UPRT: variants seen among roughly 807,000 people sequenced by gnomAD.
The protein encoded by UPRT is RP11-311P8.3.
A neutral mutation model predicts 22.6 loss-of-function variants in UPRT; 5 were observed. The observed-to-expected ratio is 0.22, with a 90% CI of 0.12 to 0.47. The LOEUF (loss-of-function observed/expected upper bound fraction) is 0.47, where lower values mean the gene tolerates loss of function less well. UPRT is among the 20% of genes least tolerant of loss of function. The pLI is 0.99. For missense variants in UPRT, 181 were observed against 239.9 expected (o/e 0.75, Z 1.62); for synonymous variants, 77 against 87.7 (o/e 0.88, Z 0.68).
At chrX:75,180,681 G>GTTTTTTTTTTTTTTTTTTTTTTTTT (rs59522302) in intron 4 of UPRT, among the ~76,000 whole-genome samples, 7 of 43,905 alleles carry the variant, frequency 1.6e-4, no homozygotes, top group Admixed American at 3.6e-4. Flanking sequence ...CCTTTTCTCT[G>GTTTTTTTTTTTTTTTTTTTTTTTTT]TTTTTTTTTT....
Position 75,258,552 on chromosome X carries a change from G to T in UPRT, c.-446-32472G>T, listed in dbSNP as rs189272875. Among the ~76,000 whole-genome samples the T allele has an allele frequency of 6.3e-5, 7 of 111,765 alleles. No homozygotes were observed. In the East Asian group the frequency reaches 2.0e-3, roughly 32 times the overall value. On this transcript the variant is annotated intron_variant, in intron 4 of 13. Transcript: ENST00000652605. ...CCAATGGCAGCTCAGCAAGGCCACT[G>T]TGGCCAGACTGCCTCTCTAGATTCC... is the stretch of plus-strand genomic sequence containing the variant.
chrX:75,297,470 T>C, intron 3 of UPRT, 21 bp from the exon 4 acceptor site: 1 of 1,202,495 alleles, frequency 8.3e-7, no homozygotes, highest in Non-Finnish European at 1.1e-6. Flanking sequence ...AGATAAATTC[T>C]TTGGTTTTAT....
intron 4 of UPRT, among the ~76,000 whole-genome samples, chrX:75,227,731 G>A (rs893967571): frequency 1.3e-4 from 15 of 112,379 alleles, no homozygotes; most frequent in African/African-American, 4.5e-4. Flanking sequence ...CTTACAAAGA[G>A]AATTTCATCT....
rs368807815 is a variant in UPRT, at chrX:75,252,691, G to GT, written c.-446-38333_-446-38332insT. 8.3e-3 allele frequency among the ~76,000 whole-genome samples: 934 copies of GT among 111,881 alleles called. 12 individuals carry two copies. Among genetic ancestry groups the GT allele is most frequent in the African/African-American group, 0.028 (856 of 30,733 alleles). ...ATCTGACCCAGCTCTCCCATTACTG[G>GT]GTATATACCCAAAGGATTATAAATC... is the stretch of plus-strand genomic sequence containing the variant. On this transcript the variant is annotated intron_variant, in intron 4 of 13. Coordinates refer to the UPRT transcript ENST00000652605.
chrX:75,250,548 C>G (rs1236929622), intron 4 of UPRT, among the ~76,000 whole-genome samples: 1 of 111,502 alleles, frequency 9.0e-6, no homozygotes, highest in Admixed American at 9.6e-5. Context: ...ATAACAGGCT[C>G]TGAAATTGAG....
intron 4 of UPRT, among the ~76,000 whole-genome samples, chrX:75,253,586 C>G (rs1429545722): frequency 8.9e-6 from 1 of 111,835 alleles, no homozygotes; most frequent in African/African-American, 3.3e-5. Flanking sequence ...GATTGCAGTG[C>G]TGACTCCGAT....
At chrX:75,196,972 T>G (rs2082334428) in intron 4 of UPRT, among the ~76,000 whole-genome samples, 1 of 111,912 alleles carries the variant, frequency 8.9e-6, no homozygotes. Flanking sequence ...CTTCGTTTTT[T>G]GCAATCCGTT....
chrX:75,273,420 T>C (rs1210033752), upstream of UPRT, among the ~76,000 whole-genome samples: 2 of 111,438 alleles, frequency 1.8e-5, no homozygotes, highest in Non-Finnish European at 3.8e-5. Context: ...TTTAACAAGC[T>C]CTACAATTAT....
At chrX:75,274,885 A>C in intron 1 of UPRT, 1 of 370,696 alleles carries the variant, frequency 2.7e-6, no homozygotes, top group Non-Finnish European at 4.6e-6. Context: ...GGTGGGGAGG[A>C]AGACTTTAGG....
At chrX:75,271,157 A>T (rs758039958), upstream of UPRT, among the ~76,000 whole-genome samples, 1 of 112,069 alleles carries the variant, frequency 8.9e-6, no homozygotes, top group Non-Finnish European at 1.9e-5. Context: ...ACAGAATTAG[A>T]AAAAACAATT....
At chrX:75,238,049 C>G (rs1302951751) in intron 4 of UPRT, among the ~76,000 whole-genome samples, 1 of 111,049 alleles carries the variant, frequency 9.0e-6, no homozygotes, top group South Asian at 3.8e-4. Flanking sequence ...CTCACAGAAC[C>G]TATAAAACAA....
intron 4 of UPRT, among the ~76,000 whole-genome samples, chrX:75,232,290 T>C (rs1001008822): frequency 7.1e-5 from 8 of 112,617 alleles, no homozygotes; most frequent in African/African-American, 2.6e-4. Context: ...GAGGGTCCTA[T>C]GCCCACGGAG....
chrX:75,253,356 T>A (rs895561844), intron 4 of UPRT, among the ~76,000 whole-genome samples: 1 of 111,817 alleles, frequency 8.9e-6, no homozygotes, highest in Non-Finnish European at 1.9e-5. Flanking sequence ...AAAACCACAA[T>A]GAGATAGCAT....
chrX:75,258,981 G>A (rs1421299572), intron 4 of UPRT, among the ~76,000 whole-genome samples: 1 of 111,721 alleles, frequency 9.0e-6, no homozygotes, highest in Non-Finnish European at 1.9e-5. Flanking sequence ...GGCAAACAGG[G>A]TCTGGAGTGG....
intron 4 of UPRT, among the ~76,000 whole-genome samples, chrX:75,232,877 G>A (rs1256075632): frequency 9.8e-5 from 11 of 112,030 alleles, no homozygotes; most frequent in Non-Finnish European, 1.5e-4. Context: ...AAAGCAGAGC[G>A]CCTCTCCTCC....
At chrX:75,270,185 C>T (rs1164890640), upstream of UPRT, among the ~76,000 whole-genome samples, 1 of 112,014 alleles carries the variant, frequency 8.9e-6, no homozygotes, top group Non-Finnish European at 1.9e-5. Context: ...TAGAGAAATT[C>T]AAATTGAAAC....
intron 4 of UPRT, among the ~76,000 whole-genome samples, chrX:75,211,745 C>T (rs1009121654): frequency 2.7e-5 from 3 of 111,515 alleles, no homozygotes; most frequent in Non-Finnish European, 5.7e-5. Context: ...CTGTTTAGAA[C>T]CCAATCCCCA....
At position 75,296,428 on chromosome X, in the gene UPRT, T is replaced by C. The variant is rs756999093; in HGVS notation, c.499+17T>C. 1.6e-5 allele frequency: 19 copies of C among 1,185,941 alleles called. No homozygotes were observed. The highest frequency in any genetic ancestry group is 2.1e-5 in the Non-Finnish European group (18 of 875,570). On this transcript the variant is annotated intron_variant, in intron 3 of 6. Transcript: ENST00000373383. ...CTCCAACAGGTAACTAGGGCTGTTA[T>C]TCTCAAATTTTCCTCATAAAAATTC...
chrX:75,225,218 G>A (rs1418704274), intron 4 of UPRT, among the ~76,000 whole-genome samples: 2 of 109,959 alleles, frequency 1.8e-5, no homozygotes, highest in Non-Finnish European at 3.8e-5. Context: ...TATAATCCCG[G>A]CAATTTGGAA....
Sources: gnomAD v4.1 joint callset for allele counts (sites outside exome capture counted in the v4.1 genomes callset) on GRCh38, gnomAD v4.1.1 for gene constraint, MANE v1.5 for transcripts, NCBI Gene and HGNC (gene_info 2026-07-23, HGNC 2026-07-21) for gene names.